The following GPRIN3 variants were observed in gnomAD, a reference collection of about 807,000 sequenced individuals.
The protein encoded by GPRIN3 is GPRIN family member 3, also known as G protein-regulated inducer of neurite outgrowth 3.
Under a neutral mutation model 13.7 loss-of-function variants are expected in GPRIN3, and 12 were observed. That is an observed-to-expected ratio of 0.87 (90% confidence interval 0.56 to 1.42). GPRIN3 has a LOEUF of 1.42. Among genes scored for constraint, GPRIN3 ranks in the 40% most tolerant of loss-of-function variants. The pLI is 0.00. For synonymous variants in GPRIN3, 377 were observed against 372.7 expected (o/e 1.01, Z -0.13); for missense variants, 1,009 against 958.7 (o/e 1.05, Z -0.69).
Position 89,248,201 on chromosome 4 carries a change from C to T in GPRIN3, c.1910G>A (p.Arg637His), listed in dbSNP as rs757846939. The change falls in exon 2 of 2, where the codon CGC becomes CAC. Residue 637 changes from arginine to histidine, a missense_variant. Arg to His is a conservative substitution (Grantham distance 29, BLOSUM62 0). Coordinates refer to ENST00000609438, the MANE Select transcript of GPRIN3 (RefSeq NM_198281.3). The part of the protein sequence containing the change: ...SVKASPRRPS[R>H]VSEFLKEQKL... The stretch of plus-strand genomic sequence containing the variant: ...TTGCTCCTTGAGGAACTCGCTGACG[C>T]GGCTGGGCCTGCGTGGGCTGGCTTT... 22 of 1,614,194 alleles carry T rather than the reference C, an allele frequency of 1.4e-5. No individual in the cohort carries two copies. Among genetic ancestry groups the T allele is most frequent in the Non-Finnish European group, 1.8e-5 (21 of 1,180,022 alleles).
chr4:89,258,691 G>T (rs954560237), intron 1 of GPRIN3, among the ~76,000 whole-genome samples: 1 of 152,174 alleles, frequency 6.6e-6, no homozygotes, highest in Non-Finnish European at 1.5e-5. Context: ...CATGAGGGTC[G>T]TATGACCTGC....
At chr4:89,301,345 A>G (rs1724891737) in intron 1 of GPRIN3, among the ~76,000 whole-genome samples, 1 of 152,256 alleles carries the variant, frequency 6.6e-6, no homozygotes, top group Non-Finnish European at 1.5e-5. Context: ...TGTTATATTC[A>G]GCATATCTGT....
chr4:89,258,672 C>T (rs1209495884), intron 1 of GPRIN3, among the ~76,000 whole-genome samples: 2 of 152,198 alleles, frequency 1.3e-5, no homozygotes, highest in Non-Finnish European at 2.9e-5. Context: ...ATGGGGAGGG[C>T]ACCCCTCACA....
chr4:89,260,067 A>G (rs940504436), intron 1 of GPRIN3, among the ~76,000 whole-genome samples: 4 of 152,152 alleles, frequency 2.6e-5, no homozygotes, highest in Non-Finnish European at 5.9e-5. Flanking sequence ...TCAGTCTCCC[A>G]AAGTGCTGGG....
chr4:89,268,471 T>C (rs1044762988), intron 1 of GPRIN3, among the ~76,000 whole-genome samples: 2 of 152,290 alleles, frequency 1.3e-5, no homozygotes, highest in Non-Finnish European at 2.9e-5. Context: ...GACTAGAAGA[T>C]GTTTGTGAGT....
At position 89,249,968 on chromosome 4, in the gene GPRIN3, GA is replaced by G; in HGVS notation, c.142del (p.Ser48GlnfsTer18). On this transcript the variant is annotated frameshift_variant, in exon 2 of 2. Coordinates refer to ENST00000609438, the MANE Select transcript of GPRIN3 (RefSeq NM_198281.3). LOFTEE classifies it low-confidence loss of function (END_TRUNC). ...GAGGTCTGGTTCTGCAGGGGCACCTGAAAAGCCATTGGCATTCTTACACAGG... is the reference window on the plus strand; with the variant it reads ...GAGGTCTGGTTCTGCAGGGGCACCTGAAAGCCATTGGCATTCTTACACAGG... ...ALLCKNANGF[S>X]GAPAEPDLSP... 6.2e-7 allele frequency: 1 copy of G among 1,614,232 alleles called. No individual in the cohort carries two copies. Among genetic ancestry groups the G allele is most frequent in the South Asian group, 1.1e-5 (1 of 91,086 alleles).
Position 89,244,082 on chromosome 4 carries a change from A to G in GPRIN3, c.*3698T>C, listed in dbSNP as rs1723020918. 2 of 152,182 alleles carry G rather than the reference A, an allele frequency of 1.3e-5. No individual in the cohort carries two copies. Among genetic ancestry groups the G allele is most frequent in the South Asian group, 4.1e-4 (2 of 4,830 alleles). The allele number at this position is 152,182 out of a possible 1,614,324, so 9.4% of individuals were successfully genotyped here. On this transcript the variant is annotated 3_prime_UTR_variant, in exon 2 of 2. Transcript: ENST00000609438. ...ATACTCTGTTCTTGGTATGCTATAT[A>G]TAGGGATTCTCAGAATGACAGGCAT...
chr4:89,241,794 G>A lies in GPRIN3; in HGVS notation c.*5986C>T, dbSNP rs1321692814. The A allele has an allele frequency of 2.0e-5, 3 of 151,998 alleles. No homozygotes were observed. The highest frequency in any genetic ancestry group is 4.4e-5 in the Non-Finnish European group (3 of 67,984). The allele number at this position is 151,998 out of a possible 1,614,324, so 9.4% of individuals were successfully genotyped here. On this transcript the variant is annotated 3_prime_UTR_variant, in exon 2 of 2. Transcript: ENST00000609438. ...CAAGGATGCCAATTAACATGAGTAA[G>A]CCCTTTCTACTCATTTTATATAGTT...
intron 1 of GPRIN3, among the ~76,000 whole-genome samples, chr4:89,292,611 G>C (rs1367773543): frequency 6.6e-6 from 1 of 152,162 alleles, no homozygotes; most frequent in African/African-American, 2.4e-5. Flanking sequence ...CTTGAAAATG[G>C]AAAGGTTCTC....
chr4:89,264,576 A>G (rs1407740181), intron 1 of GPRIN3, among the ~76,000 whole-genome samples: 1 of 152,076 alleles, frequency 6.6e-6, no homozygotes, highest in Admixed American at 6.5e-5. Context: ...GCTAGTGCAA[A>G]GGTCTTATGT....
chr4:89,288,720 G>C (rs900614957), intron 1 of GPRIN3, among the ~76,000 whole-genome samples: 4 of 152,124 alleles, frequency 2.6e-5, no homozygotes, highest in South Asian at 2.1e-4. Context: ...TTATTATGCA[G>C]CAAATTTAGC....
At chr4:89,271,575 T>C (rs1206744297) in intron 1 of GPRIN3, among the ~76,000 whole-genome samples, 1 of 130,246 alleles carries the variant, frequency 7.7e-6, no homozygotes, top group African/African-American at 3.6e-5. Flanking sequence ...TAAAAACTTG[T>C]ATTTTTTATT....
Position 89,248,846 on chromosome 4 carries a change from G to A in GPRIN3, c.1265C>T (p.Ser422Leu). 6 of 1,614,154 alleles carry A rather than the reference G, an allele frequency of 3.7e-6. No homozygotes were observed. The East Asian group carries it at 1.3e-4, about 36-fold the overall frequency. The change falls in exon 2 of 2, where the codon TCA (serine) becomes TTA (leucine). Residue 422 changes from serine (S) to leucine (L), a missense_variant. By Grantham distance (145) the Ser-to-Leu change is moderately radical (BLOSUM62 -2). Transcript: ENST00000609438. ...GGCATTACTGGAGACCAAATTGATT[G>A]ATGAGGTTTTAAGGACCCCACCTGG... ...SLPGGVLKTSSINLVSSNAQH... is the reference protein window; with the variant it reads ...SLPGGVLKTSLINLVSSNAQH...
chr4:89,266,872 C>G (rs1723795906), intron 1 of GPRIN3, among the ~76,000 whole-genome samples: 2 of 151,974 alleles, frequency 1.3e-5, no homozygotes, highest in African/African-American at 4.8e-5. Context: ...AAAGAAAAAC[C>G]TTAGGAATAT....
intron 1 of GPRIN3, 170 bp from the exon 2 acceptor site, chr4:89,250,403 A>G (rs1203786013): frequency 1.1e-5 from 3 of 273,006 alleles, no homozygotes; most frequent in Non-Finnish European, 2.0e-5. Flanking sequence ...ATAAAAATAG[A>G]CTTGAGAAAA....
intron 1 of GPRIN3, among the ~76,000 whole-genome samples, chr4:89,259,950 G>A (rs902880620): frequency 1.3e-5 from 2 of 152,182 alleles, no homozygotes; most frequent in Non-Finnish European, 2.9e-5. Flanking sequence ...GATTACAGAT[G>A]TGTGCCACCA....
chr4:89,280,157 G>A (rs2149278047), intron 1 of GPRIN3, among the ~76,000 whole-genome samples: 1 of 152,188 alleles, frequency 6.6e-6, no homozygotes. Context: ...GGTGTTTATG[G>A]ATCCTTCCTT....
In GPRIN3 at chr4:89,246,244, C is replaced by A. The variant is rs559975041; in HGVS notation, c.*1536G>T. The A allele has an allele frequency of 6.6e-6, 1 of 152,134 alleles. No homozygotes were observed. The highest frequency in any genetic ancestry group is 1.9e-4 in the East Asian group (1 of 5,186). 9.4% of individuals were successfully genotyped at this position (152,134 alleles called of 1,614,324 possible). ...TTAGGTACTCTTTTCTAGCTCATTA[C>A]GGGGAATGAGTTCAAAGAAGACAAC... On this transcript the variant is annotated 3_prime_UTR_variant, in exon 2 of 2. Transcript: ENST00000609438.
chr4:89,287,753 A>G (rs1724461885), intron 1 of GPRIN3, among the ~76,000 whole-genome samples: 1 of 152,244 alleles, frequency 6.6e-6, no homozygotes, highest in Non-Finnish European at 1.5e-5. Context: ...TAAAACATGA[A>G]TGACTCCACT....
Sources: gnomAD v4.1 joint callset for allele counts (sites outside exome capture counted in the v4.1 genomes callset) on GRCh38, gnomAD v4.1.1 for gene constraint, MANE v1.5 for transcripts, NCBI Gene and HGNC (gene_info 2026-07-23, HGNC 2026-07-21) for gene names.